Variants in CSMD1 observed in about 807,000 individuals in gnomAD.
The protein encoded by CSMD1 is CUB and Sushi multiple domains 1.
A neutral mutation model predicts 417.5 loss-of-function variants in CSMD1; 213 were observed. That is an observed-to-expected ratio of 0.51 (90% CI 0.46 to 0.57). The LOEUF is 0.57. Among genes scored for constraint, CSMD1 ranks in the 20% least tolerant of loss-of-function variants. The pLI is 0.00. For synonymous variants in CSMD1, 2,862 were observed against 1,736.8 expected (o/e 1.65, Z -16.11); for missense variants, 6,923 against 4,529.7 (o/e 1.53, Z -15.17).
intron 1 of CSMD1, among the ~76,000 whole-genome samples, chr8:4,973,680 C>T (rs1207625399): frequency 1.3e-5 from 2 of 152,142 alleles, no homozygotes; most frequent in African/African-American, 2.4e-5. Context: ...CATTCATTAT[C>T]CTGACCATAA....
intron 10 of CSMD1, among the ~76,000 whole-genome samples, chr8:3,573,953 T>C (rs924707066): frequency 6.6e-6 from 1 of 152,116 alleles, no homozygotes; most frequent in Non-Finnish European, 1.5e-5. Flanking sequence ...GCATCTATAT[T>C]GAACTTAAAA....
In CSMD1 at chr8:3,936,818, G is replaced by T. The variant is rs114286754; in HGVS notation, c.818+61085C>A. ...GTTATTTAAGAAATATGTTTCATAA[G>T]GCTATTGCTGCATGGAGAGTGAGTC... On this transcript the variant is annotated intron_variant, in intron 5 of 69. Coordinates refer to ENST00000635120, the MANE Select transcript of CSMD1 (RefSeq NM_033225.6). Among the ~76,000 whole-genome samples, 1,279 of 152,246 alleles carry T rather than the reference G, an allele frequency of 8.4e-3. 17 individuals carry two copies. Among genetic ancestry groups the T allele is most frequent in the African/African-American group, 0.029 (1,203 of 41,552 alleles).
At chr8:4,791,033 A>T (rs1797657116) in intron 1 of CSMD1, among the ~76,000 whole-genome samples, 1 of 152,172 alleles carries the variant, frequency 6.6e-6, no homozygotes, top group African/African-American at 2.4e-5. Context: ...CTATCAGGAG[A>T]GTAAATGGGA....
intron 7 of CSMD1, among the ~76,000 whole-genome samples, chr8:3,673,070 C>G (rs78969439): frequency 6.6e-6 from 1 of 152,092 alleles, no homozygotes; most frequent in Non-Finnish European, 1.5e-5. Context: ...GATTGATATA[C>G]TGTAAATGTT....
chr8:4,383,385 G>C (rs897131093), intron 3 of CSMD1, among the ~76,000 whole-genome samples: 1 of 152,080 alleles, frequency 6.6e-6, no homozygotes, highest in African/African-American at 2.4e-5. Flanking sequence ...GTTTACTTGG[G>C]GGCTACATTT....
intron 1 of CSMD1, among the ~76,000 whole-genome samples, chr8:4,669,772 G>C (rs917948451): frequency 6.6e-6 from 1 of 152,072 alleles, no homozygotes; most frequent in African/African-American, 2.4e-5. Context: ...AGGGGGTACT[G>C]CAAATATTTT....
intron 10 of CSMD1, among the ~76,000 whole-genome samples, chr8:3,502,975 G>C (rs1381218020): frequency 6.6e-6 from 1 of 152,250 alleles, no homozygotes; most frequent in Admixed American, 6.5e-5. Flanking sequence ...ACAGTGGGGA[G>C]GTTGTGCATG....
intron 5 of CSMD1, among the ~76,000 whole-genome samples, chr8:3,949,208 A>G (rs747094177): frequency 6.6e-6 from 1 of 152,172 alleles, no homozygotes; most frequent in Non-Finnish European, 1.5e-5. Flanking sequence ...TTATAGTGAC[A>G]ACCCTTAAAA....
chr8:2,937,849 T>C lies in CSMD1; in HGVS notation c.*736A>G, dbSNP rs867459982. The C allele has an allele frequency of 4.6e-5, 7 of 152,612 alleles. No homozygotes were observed. The highest frequency in any genetic ancestry group is 1.9e-4 in the East Asian group (1 of 5,172). 9.5% of individuals were successfully genotyped at this position (152,612 alleles called of 1,614,324 possible). ...GCTTGATAATATGAAATAATGCTTATATACAATGGATAGTGTGTATAAACC... is the reference window on the plus strand; with the variant it reads ...GCTTGATAATATGAAATAATGCTTACATACAATGGATAGTGTGTATAAACC... On this transcript the variant is annotated 3_prime_UTR_variant, in exon 70 of 70. Transcript: ENST00000635120.
intron 3 of CSMD1, among the ~76,000 whole-genome samples, chr8:4,071,909 G>C (rs1799578946): frequency 6.6e-6 from 1 of 152,136 alleles, no homozygotes; most frequent in Non-Finnish European, 1.5e-5. Flanking sequence ...CTTAGGCATA[G>C]CTCAAGAGTC....
intron 3 of CSMD1, among the ~76,000 whole-genome samples, chr8:4,277,070 G>T (rs1175576415): frequency 1.3e-5 from 2 of 152,046 alleles, no homozygotes; most frequent in Non-Finnish European, 2.9e-5. Context: ...TTACAATGTT[G>T]TGTGTTTTAT....
chr8:4,017,403 T>G (rs1796574726), intron 4 of CSMD1, among the ~76,000 whole-genome samples: 1 of 152,160 alleles, frequency 6.6e-6, no homozygotes, highest in Non-Finnish European at 1.5e-5. Context: ...CCTCCCGGGT[T>G]CAATCGATTC....
At chr8:3,532,623 C>T (rs1168936279) in intron 10 of CSMD1, among the ~76,000 whole-genome samples, 1 of 151,990 alleles carries the variant, frequency 6.6e-6, no homozygotes, top group Non-Finnish European at 1.5e-5. Context: ...ATTTACTACG[C>T]CAAAATTTTA....
At chr8:4,591,780 G>A (rs979417168) in intron 2 of CSMD1, among the ~76,000 whole-genome samples, 4 of 152,134 alleles carry the variant, frequency 2.6e-5, no homozygotes, top group Non-Finnish European at 4.4e-5. Flanking sequence ...TTAGCGTATT[G>A]AGGGGAATGT....
chr8:3,296,361 G>A (rs1326236198), intron 25 of CSMD1, among the ~76,000 whole-genome samples: 1 of 151,982 alleles, frequency 6.6e-6, no homozygotes, highest in Admixed American at 6.6e-5. Context: ...ACAGAGGAAG[G>A]GGGACTGGGA....
intron 2 of CSMD1, among the ~76,000 whole-genome samples, chr8:4,632,080 C>T (rs970728743): frequency 9.9e-5 from 15 of 152,256 alleles, no homozygotes; most frequent in African/African-American, 3.1e-4. Context: ...ATTTAGAAAA[C>T]ATGTACCAAT....
chr8:3,367,411 C>G (rs1001833224), intron 19 of CSMD1, among the ~76,000 whole-genome samples, 164 bp from the exon 20 acceptor site: 1 of 150,770 alleles, frequency 6.6e-6, no homozygotes, highest in African/African-American at 2.4e-5. Context: ...GTAATAGCCA[C>G]AGAGAGACAG....
chr8:4,287,737 A>G (rs1368732615), intron 3 of CSMD1, among the ~76,000 whole-genome samples: 1 of 151,656 alleles, frequency 6.6e-6, no homozygotes, highest in East Asian at 1.9e-4. Flanking sequence ...ACACAACATC[A>G]CACAAATAGC....
chr8:4,592,085 C>T (rs971247940), intron 2 of CSMD1, among the ~76,000 whole-genome samples: 1 of 152,072 alleles, frequency 6.6e-6, no homozygotes, highest in African/African-American at 2.4e-5. Context: ...ACAGTAGGGA[C>T]ATGCTGGTAG....
Sources: allele counts gnomAD v4.1 joint callset (sites outside exome capture counted in the v4.1 genomes callset), GRCh38; gene constraint gnomAD v4.1.1; transcripts MANE v1.5; gene names NCBI Gene and HGNC (gene_info 2026-07-23, HGNC 2026-07-21).